The following PPFIA2 variants were observed in gnomAD, a reference collection of about 807,000 sequenced individuals.
The protein encoded by PPFIA2 is PPFI scaffold protein A2.
Under a neutral mutation model 175.5 loss-of-function variants are expected in PPFIA2, and 46 were observed. That is an observed-to-expected ratio of 0.26 (90% CI 0.21 to 0.34). The LOEUF is 0.34. Among genes scored for constraint, PPFIA2 ranks in the 10% least tolerant of loss-of-function variants. The pLI, the probability that PPFIA2 is intolerant of heterozygous loss-of-function variation, is 1.00. For synonymous variants in PPFIA2, 568 were observed against 511.4 expected (o/e 1.11, Z -1.49); for missense variants, 1,179 against 1,506.1 (o/e 0.78, Z 3.60).
intron 4 of PPFIA2, among the ~76,000 whole-genome samples, chr12:81,530,816 T>G (rs552242555): frequency 6.6e-6 from 1 of 151,992 alleles, no homozygotes; most frequent in Admixed American, 6.6e-5. Context: ...TTTGGAATAT[T>G]ATGTATTTGC....
chr12:81,538,950 A>G (rs996300670), intron 4 of PPFIA2, among the ~76,000 whole-genome samples: 1 of 151,868 alleles, frequency 6.6e-6, no homozygotes, highest in Admixed American at 6.6e-5. Context: ...ATGGTTTAGG[A>G]TATGTAGTTA....
intron 3 of PPFIA2, among the ~76,000 whole-genome samples, chr12:81,721,291 G>A (rs2079298448): frequency 6.6e-6 from 1 of 151,180 alleles, no homozygotes; most frequent in South Asian, 2.1e-4. Flanking sequence ...CTACTCTCTA[G>A]GACTATATAT....
chr12:81,464,837 T>C (rs1228053230), intron 4 of PPFIA2, among the ~76,000 whole-genome samples: 2 of 151,132 alleles, frequency 1.3e-5, no homozygotes, highest in Non-Finnish European at 2.9e-5. Context: ...TACAGGTTCA[T>C]CTTTAAACTC....
chr12:81,448,784 G>T (rs1290930002), intron 5 of PPFIA2, among the ~76,000 whole-genome samples: 2 of 151,956 alleles, frequency 1.3e-5, no homozygotes, highest in Admixed American at 1.3e-4. Flanking sequence ...CTTCACCTTC[G>T]CTTTCATATT....
chr12:81,357,616 T>C (rs925345789), intron 16 of PPFIA2, among the ~76,000 whole-genome samples: 13 of 152,208 alleles, frequency 8.5e-5, no homozygotes, highest in African/African-American at 3.1e-4. Flanking sequence ...ATACCAATTT[T>C]AATTAAGTTA....
At chr12:81,429,387 G>C (rs2047708328) in intron 7 of PPFIA2, among the ~76,000 whole-genome samples, 1 of 151,994 alleles carries the variant, frequency 6.6e-6, no homozygotes, top group Non-Finnish European at 1.5e-5. Context: ...TCTACTCACA[G>C]ATATGGCAGT....
At chr12:81,565,473 A>G (rs1433245060) in intron 4 of PPFIA2, among the ~76,000 whole-genome samples, 2 of 152,136 alleles carry the variant, frequency 1.3e-5, no homozygotes, top group Admixed American at 6.6e-5. Context: ...TGAGTTAATA[A>G]TAAACTCCTG....
At chr12:81,278,540 C>A (rs1438053078) in intron 27 of PPFIA2, among the ~76,000 whole-genome samples, 285 of 136,546 alleles carry the variant, frequency 2.1e-3, no homozygotes, top group South Asian at 2.6e-3. Context: ...ACTCCATCTC[C>A]AAAAAAAAAA....
At chr12:81,428,331 G>A (rs1439829776) in intron 7 of PPFIA2, among the ~76,000 whole-genome samples, 2 of 151,960 alleles carry the variant, frequency 1.3e-5, no homozygotes, top group African/African-American at 4.8e-5. Context: ...CACAGTAGGT[G>A]ACACTTTTAA....
At chr12:81,700,276 A>G (rs1346637354) in intron 3 of PPFIA2, among the ~76,000 whole-genome samples, 3 of 152,098 alleles carry the variant, frequency 2.0e-5, no homozygotes, top group Admixed American at 6.6e-5. Flanking sequence ...AGACACATAA[A>G]ATATAATGTT....
intron 24 of PPFIA2, among the ~76,000 whole-genome samples, chr12:81,284,632 C>A (rs551254556): frequency 6.6e-6 from 1 of 152,072 alleles, no homozygotes; most frequent in Non-Finnish European, 1.5e-5. Flanking sequence ...TTTGTAATAA[C>A]GGTGAACTGA....
intron 4 of PPFIA2, among the ~76,000 whole-genome samples, chr12:81,474,309 G>T (rs377323278): frequency 6.6e-6 from 1 of 151,930 alleles, no homozygotes; most frequent in South Asian, 2.1e-4. Flanking sequence ...GGCATCTACC[G>T]CCAAGCACAG....
At chr12:81,359,592 G>A (rs558670790) in intron 15 of PPFIA2, among the ~76,000 whole-genome samples, 143 of 151,876 alleles carry the variant, frequency 9.4e-4, no homozygotes, top group Middle Eastern at 6.8e-3. Flanking sequence ...CATATAATAA[G>A]CACTTCATAA....
chr12:81,362,203 A>G (rs1555314047), intron 15 of PPFIA2, among the ~76,000 whole-genome samples: 1 of 147,150 alleles, frequency 6.8e-6, no homozygotes, highest in Non-Finnish European at 1.5e-5. Context: ...TTTTTTTGCA[A>G]TTACTTTACC....
chr12:81,322,621 T>A (rs1260111994), intron 22 of PPFIA2, among the ~76,000 whole-genome samples: 1 of 152,128 alleles, frequency 6.6e-6, no homozygotes, highest in Non-Finnish European at 1.5e-5. Context: ...TACATAAACC[T>A]GCTGGAGAAA....
Position 81,347,672 on chromosome 12 carries a change from A to C in PPFIA2, c.2093T>G (p.Val698Gly). 1 of 1,613,746 alleles carries C rather than the reference A, an allele frequency of 6.2e-7. No individual in the cohort carries two copies. The highest frequency in any genetic ancestry group is 8.5e-7 in the Non-Finnish European group (1 of 1,179,818). The change falls in exon 18 of 33, where the codon GTC becomes GGC. Residue 698 changes from valine to glycine, a missense_variant. This residue lies in a region of PPFIA2 where 223 missense variants were observed against 241.6 expected (regional missense o/e 0.92). Transcript: ENST00000549396. ...GGCAGTAATGGAGGTACCTGGGTGG[A>C]CCCTTGCCAAATTCAGGCCTTCGAG... The part of the protein sequence containing the change: ...VSLEGLNLAR[V>G]HPGTSITASV...
chr12:81,713,491 T>C (rs1340712881), intron 3 of PPFIA2, among the ~76,000 whole-genome samples: 1 of 151,264 alleles, frequency 6.6e-6, no homozygotes, highest in African/African-American at 2.4e-5. Flanking sequence ...AAAAATGCTT[T>C]AGTACCTTTA....
At chr12:81,443,044 A>G (rs1326621734) in intron 6 of PPFIA2, among the ~76,000 whole-genome samples, 1 of 150,964 alleles carries the variant, frequency 6.6e-6, no homozygotes, top group East Asian at 2.0e-4. Context: ...GTAAACAAGC[A>G]TCTGGATCAA....
chr12:81,712,350 T>A (rs2078048525), intron 3 of PPFIA2, among the ~76,000 whole-genome samples: 2 of 151,372 alleles, frequency 1.3e-5, no homozygotes, highest in Non-Finnish European at 2.9e-5. Context: ...TACTTAATAT[T>A]TTCTATTGAT....
Sources: allele counts gnomAD v4.1 joint callset (sites outside exome capture counted in the v4.1 genomes callset), GRCh38; gene constraint gnomAD v4.1.1; regional missense constraint gnomAD v4.1.1; transcripts MANE v1.5; gene names NCBI Gene and HGNC (gene_info 2026-07-23, HGNC 2026-07-21).